AFAP1: variants seen among roughly 807,000 people sequenced by gnomAD.
The protein encoded by AFAP1 is actin filament associated protein 1, also known as actin filament-associated protein 1.
A neutral mutation model predicts 93.9 loss-of-function variants in AFAP1; 75 were observed. That is an observed-to-expected ratio of 0.80 (90% CI 0.66 to 0.97). AFAP1 has a LOEUF of 0.97. AFAP1 is among the 50% of genes least tolerant of loss of function. The pLI is 0.00. For synonymous variants in AFAP1, 517 were observed against 430.7 expected, an observed-to-expected ratio of 1.20 and a Z score of -2.48; for missense variants, 1,201 against 1,050.8, an observed-to-expected ratio of 1.14 and a Z score of -1.98.
At chr4:7,769,125 A>C in intron 16 of AFAP1, 117 bp from the exon 17 acceptor site, 1 of 1,325,510 alleles carries the variant, frequency 7.5e-7, no homozygotes, top group Non-Finnish European at 1.0e-6. Context: ...CAAAAATAAC[A>C]GCAGTAGCAG....
At chr4:7,771,495 A>G (rs976667940) in intron 16 of AFAP1, among the ~76,000 whole-genome samples, 1 of 152,220 alleles carries the variant, frequency 6.6e-6, no homozygotes, top group African/African-American at 2.4e-5. Flanking sequence ...TCAACAAGCA[A>G]TTGTTGGATG....
At chr4:7,875,968 C>T (rs190584033) in intron 1 of AFAP1, among the ~76,000 whole-genome samples, 5 of 152,160 alleles carry the variant, frequency 3.3e-5, no homozygotes, top group Non-Finnish European at 5.9e-5. Flanking sequence ...TCAGAGTTAA[C>T]AGTTTGGGAT....
chr4:7,814,175 A>G (rs561854912), intron 8 of AFAP1, among the ~76,000 whole-genome samples: 3 of 152,254 alleles, frequency 2.0e-5, no homozygotes, highest in African/African-American at 4.8e-5. Context: ...AAACTCAATA[A>G]GCACAAATAA....
rs1016534830 is a variant in AFAP1, at chr4:7,939,843, G to T, written c.-190C>A. ...GCTCGCGGAGCTGCAGCCGGCGTGG[G>T]GCTGCGGCCGGGACAGACACCACGC... On this transcript the variant is annotated 5_prime_UTR_variant, in exon 1 of 18. Coordinates refer to ENST00000420658, the MANE Select transcript of AFAP1 (RefSeq NM_001134647.2). This position sits in a 1 kb window ranked among gnomAD's most constrained non-coding sequence, Gnocchi z 5.6. 7.3e-6 allele frequency: 2 copies of T among 275,698 alleles called. No individual in the cohort carries two copies. The highest frequency in any genetic ancestry group is 4.7e-5 in the African/African-American group (2 of 42,354). The allele number at this position is 275,698 out of a possible 1,614,324, so 17.1% of individuals were successfully genotyped here. A position where few individuals can be genotyped will look rare whatever the true frequency, so the allele number is the denominator to read the frequency against.
intron 6 of AFAP1, among the ~76,000 whole-genome samples, chr4:7,830,380 C>T (rs1317774437): frequency 2.0e-5 from 3 of 152,040 alleles, no homozygotes; most frequent in South Asian, 4.1e-4. Context: ...ACAAGAAACG[C>T]GAGGCTGTGG....
At position 7,834,301 on chromosome 4, in the gene AFAP1, A is replaced by T. The variant is rs560494774; in HGVS notation, c.726+4223T>A. Among the ~76,000 whole-genome samples the T allele has an allele frequency of 2.6e-4, 40 of 152,338 alleles. 2 individuals are homozygous for T. In the South Asian group the frequency reaches 8.1e-3, roughly 31 times the overall value. On this transcript the variant is annotated intron_variant, in intron 6 of 17. Transcript: ENST00000420658. The stretch of plus-strand genomic sequence containing the variant: ...AGCTAAGCTATGAGGATGCAAAGGC[A>T]TAAGAATGACACAGTGGACTGTGGG...
rs565870223 is a variant in AFAP1 at position 7,892,477 on chromosome 4, G to A, written c.-2-20397C>T. 2.0e-5 allele frequency among the ~76,000 whole-genome samples: 3 copies of A among 152,330 alleles called. No individual in the cohort carries two copies. The East Asian group carries it at 5.8e-4, about 29-fold the overall frequency. ...TGGGGGAGGGGCAGCCCACAGAAACGGGGAGGTGGGAATCATTGGACCTGC... is the reference window on the plus strand; with the variant it reads ...TGGGGGAGGGGCAGCCCACAGAAACAGGGAGGTGGGAATCATTGGACCTGC... On this transcript the variant is annotated intron_variant, in intron 1 of 17. Coordinates refer to ENST00000420658, the MANE Select transcript of AFAP1 (RefSeq NM_001134647.2).
chr4:7,881,334 C>T (rs1717832170), intron 1 of AFAP1, among the ~76,000 whole-genome samples: 1 of 152,150 alleles, frequency 6.6e-6, no homozygotes, highest in Non-Finnish European at 1.5e-5. Context: ...GGCACCCCCA[C>T]ATGGCATCAC....
intron 1 of AFAP1, among the ~76,000 whole-genome samples, chr4:7,900,133 T>C (rs1294790006): frequency 6.6e-6 from 1 of 152,188 alleles, no homozygotes; most frequent in Non-Finnish European, 1.5e-5. Flanking sequence ...CCTGACTTAT[T>C]AGAGCCTGCA....
intron 15 of AFAP1, 87 bp downstream of exon 15, chr4:7,774,652 G>A (rs1715902260): frequency 4.0e-6 from 6 of 1,515,288 alleles, no homozygotes. Context: ...GCCTTGGTGA[G>A]CAATAGGTCC....
chr4:7,763,665 C>T lies in AFAP1; in HGVS notation c.*100G>A, dbSNP rs545612008. 5.2e-4 allele frequency: 744 copies of T among 1,442,382 alleles called. 3 individuals are homozygous for T. In the African/African-American group the frequency reaches 9.7e-3, roughly 19 times the overall value. 89.3% of individuals were successfully genotyped at this position (1,442,382 alleles called of 1,614,324 possible). On this transcript the variant is annotated 3_prime_UTR_variant, in exon 18 of 18. Coordinates refer to ENST00000420658, the MANE Select transcript of AFAP1 (RefSeq NM_001134647.2). Reference sequence around the variant, plus strand: ...CAGTCGTGGAGCCTCTGGAGTCGTGCAGCTGAGGCCACTCTGGGCAGAGCT... The same window carrying T: ...CAGTCGTGGAGCCTCTGGAGTCGTGTAGCTGAGGCCACTCTGGGCAGAGCT...
chr4:7,829,055 T>C (rs144146363), intron 6 of AFAP1, among the ~76,000 whole-genome samples: 1 of 152,338 alleles, frequency 6.6e-6, no homozygotes, highest in East Asian at 1.9e-4. Flanking sequence ...TTCCCCTCTT[T>C]TGCTCCGCAC....
intron 10 of AFAP1, among the ~76,000 whole-genome samples, chr4:7,794,696 A>AT (rs57950995): frequency 0.23 from 34,496 of 151,370 alleles, 5,069 homozygotes; most frequent in East Asian, 0.76. Context: ...TAATTTTTTT[A>AT]TTTTTTATTT....
At chr4:7,773,274 C>CCT in intron 15 of AFAP1, 1 of 444,316 alleles carries the variant, frequency 2.3e-6, no homozygotes, top group Non-Finnish European at 4.0e-6. Flanking sequence ...GAGCTCCTGG[C>CCT]TCTGGGCCTC....
intron 8 of AFAP1, among the ~76,000 whole-genome samples, chr4:7,812,334 G>T (rs1720121561): frequency 6.6e-6 from 1 of 152,088 alleles, no homozygotes; most frequent in Non-Finnish European, 1.5e-5. Flanking sequence ...GTGAGCTGGG[G>T]TGTCAGATGA....
intron 10 of AFAP1, among the ~76,000 whole-genome samples, chr4:7,796,398 C>G (rs1043459982): frequency 9.2e-5 from 14 of 152,194 alleles, no homozygotes; most frequent in Admixed American, 8.5e-4. Context: ...CTGACCAAAT[C>G]TGTGATAGTT....
At chr4:7,884,617 A>C (rs1467388261) in intron 1 of AFAP1, among the ~76,000 whole-genome samples, 1 of 152,224 alleles carries the variant, frequency 6.6e-6, no homozygotes, top group African/African-American at 2.4e-5. Context: ...TGGGGTTGGG[A>C]CAACTGGTAA....
intron 8 of AFAP1, among the ~76,000 whole-genome samples, chr4:7,811,694 G>A (rs750988241): frequency 5.9e-5 from 9 of 152,274 alleles, no homozygotes; most frequent in East Asian, 1.9e-4. Context: ...GTGTGAAGGC[G>A]CGGGAGGGGA....
chr4:7,784,242 TG>T (rs1437582464), intron 12 of AFAP1, among the ~76,000 whole-genome samples: 1 of 151,900 alleles, frequency 6.6e-6, no homozygotes, highest in African/African-American at 2.4e-5. Context: ...CCGCCTAAGA[TG>T]GGGGGCTCTA....
Sources: gnomAD v4.1 joint callset for allele counts (sites outside exome capture counted in the v4.1 genomes callset) on GRCh38, gnomAD v4.1.1 for gene constraint, Gnocchi (gnomAD v3.1) non-coding constraint, MANE v1.5 for transcripts, NCBI Gene and HGNC (gene_info 2026-07-23, HGNC 2026-07-21) for gene names.